Variants in CAPN5 observed in about 807,000 individuals in gnomAD.
The protein encoded by CAPN5 is calpain-5.
Under a neutral mutation model 73.0 loss-of-function variants are expected in CAPN5, and 54 were observed. The observed-to-expected ratio is 0.74, with a 90% CI of 0.59 to 0.93. CAPN5 has a LOEUF of 0.93. Among genes scored for constraint, CAPN5 ranks in the 40% least tolerant of loss-of-function variants. The probability of loss-of-function intolerance (pLI) is 0.00; values close to 1 mark genes in which losing one functional copy is unlikely to be tolerated. For missense variants in CAPN5, 785 were observed against 882.9 expected (o/e 0.89, Z 1.41); for synonymous variants, 335 against 356.9 (o/e 0.94, Z 0.69).
intron 8 of CAPN5, 143 bp downstream of exon 8, chr11:77,118,495 AG>A: frequency 1.5e-6 from 1 of 662,512 alleles, no homozygotes; most frequent in East Asian, 2.8e-5. Context: ...AGTGGGGGTT[AG>A]ATGGGCACAT....
At chr11:77,089,836 T>C (rs1430985593) in intron 2 of CAPN5, among the ~76,000 whole-genome samples, 4 of 152,054 alleles carry the variant, frequency 2.6e-5, no homozygotes, top group African/African-American at 9.7e-5. Context: ...ATCGCACCAT[T>C]GCATTCCAGC....
intron 2 of CAPN5, chr11:77,088,138 G>A: frequency 7.0e-7 from 1 of 1,433,138 alleles, no homozygotes; most frequent in Non-Finnish European, 9.2e-7. Flanking sequence ...CTGGGTATGA[G>A]CCTGGAGGTC....
chr11:77,094,412 G>A (rs868921903), intron 3 of CAPN5, among the ~76,000 whole-genome samples: 2 of 152,314 alleles, frequency 1.3e-5, no homozygotes, highest in Middle Eastern at 6.8e-3. Flanking sequence ...GGGCCAAAGG[G>A]TTTGGGTTGG....
At chr11:77,103,337 G>T in intron 3 of CAPN5, 1 of 1,601,536 alleles carries the variant, frequency 6.2e-7, no homozygotes. Context: ...TCTGACAGCA[G>T]CTGCCAGCTG....
At chr11:77,101,314 G>A (rs1555038799) in intron 3 of CAPN5, among the ~76,000 whole-genome samples, 1 of 152,190 alleles carries the variant, frequency 6.6e-6, no homozygotes, top group Non-Finnish European at 1.5e-5. Context: ...GCAGAATGTG[G>A]TGCTGGGAAG....
chr11:77,121,942 G>A lies in CAPN5; in HGVS notation c.1496G>A (p.Arg499His), dbSNP rs140490506. 45 of 1,544,970 alleles carry A rather than the reference G, an allele frequency of 2.9e-5. No homozygotes were observed. In the Middle Eastern group the frequency reaches 8.4e-4, roughly 29 times the overall value. ...TDVPSNCREL[R>H]LDEPPHTCWS... ...CTGCCGCCCCATATCAGGGAGCTGC[G>A]CCTGGATGAGCCCCCACACACCTGC... Residue 499 changes from arginine to histidine, a missense_variant, in exon 11 of 13, where the codon CGC becomes CAC. Arg to His is a conservative substitution (Grantham distance 29). Transcript: ENST00000648180.
intron 12 of CAPN5, among the ~76,000 whole-genome samples, chr11:77,123,311 C>T (rs1950542202): frequency 6.6e-6 from 1 of 152,214 alleles, no homozygotes; most frequent in African/African-American, 2.4e-5. Flanking sequence ...CTGAGTCCCA[C>T]TGGATCAAAT....
At chr11:77,103,234 T>C in intron 3 of CAPN5, 1 of 1,613,652 alleles carries the variant, frequency 6.2e-7, no homozygotes, top group Non-Finnish European at 8.5e-7. Flanking sequence ...CTGTCGGACC[T>C]GGCCAAGATC....
In CAPN5 at chr11:77,102,721, G is replaced by A. The variant is rs372724282; in HGVS notation, c.297+8908G>A. 4.1e-6 allele frequency: 5 copies of A among 1,211,966 alleles called. No individual in the cohort carries two copies. In the Admixed American group the frequency reaches 1.1e-4, roughly 28 times the overall value. 75.1% of individuals were successfully genotyped at this position (1,211,966 alleles called of 1,614,324 possible). On this transcript the variant is annotated intron_variant, in intron 3 of 12. Coordinates refer to ENST00000648180, the MANE Select transcript of CAPN5 (RefSeq NM_004055.5). Reference sequence around the variant, plus strand: ...GGCTGGGAAGAGCCAGTGGCAAAGGGAGGGGAAGAGGGAAGGGCAGAAAGT... The same window carrying A: ...GGCTGGGAAGAGCCAGTGGCAAAGGAAGGGGAAGAGGGAAGGGCAGAAAGT...
chr11:77,080,137 CTT>C (rs1950013937), intron 1 of CAPN5, among the ~76,000 whole-genome samples: 1 of 152,176 alleles, frequency 6.6e-6, no homozygotes, highest in South Asian at 2.1e-4. Flanking sequence ...TGTGGCATCT[CTT>C]TTGTCATATA....
intron 1 of CAPN5, among the ~76,000 whole-genome samples, chr11:77,067,361 C>G (rs1555032245): frequency 2.0e-5 from 3 of 151,898 alleles, no homozygotes; most frequent in African/African-American, 7.3e-5. Flanking sequence ...TGGGTGTCTC[C>G]GAGTCGTTTT....
chr11:77,067,845 A>G (rs929537211), intron 1 of CAPN5, among the ~76,000 whole-genome samples: 1 of 152,026 alleles, frequency 6.6e-6, no homozygotes, highest in Admixed American at 6.5e-5. Flanking sequence ...CAGTCATTTC[A>G]TGTGGTGGGA....
chr11:77,104,716 T>G (rs1214462881), intron 3 of CAPN5, among the ~76,000 whole-genome samples: 1 of 152,208 alleles, frequency 6.6e-6, no homozygotes, highest in Non-Finnish European at 1.5e-5. Flanking sequence ...GCCAGCCCTG[T>G]GTTTTGTCCT....
At chr11:77,100,924 G>T (rs1398215753) in intron 3 of CAPN5, among the ~76,000 whole-genome samples, 1 of 152,150 alleles carries the variant, frequency 6.6e-6, no homozygotes, top group African/African-American at 2.4e-5. Context: ...CACAGCCCGG[G>T]CCCGGAACTG....
At chr11:77,108,518 G>T (rs1022094181) in intron 3 of CAPN5, among the ~76,000 whole-genome samples, 5 of 152,150 alleles carry the variant, frequency 3.3e-5, no homozygotes, top group African/African-American at 1.2e-4. Flanking sequence ...GGACTGCCGG[G>T]CCAGGTGGCT....
At chr11:77,107,227 A>G (rs1348056497) in intron 3 of CAPN5, among the ~76,000 whole-genome samples, 3 of 152,104 alleles carry the variant, frequency 2.0e-5, no homozygotes, top group South Asian at 4.1e-4. Context: ...GAGCTGAGGA[A>G]TCTCAGATAC....
chr11:77,116,050 A>G (rs1555041693), intron 6 of CAPN5, among the ~76,000 whole-genome samples, 176 bp from the exon 7 acceptor site: 1 of 151,864 alleles, frequency 6.6e-6, no homozygotes, highest in Non-Finnish European at 1.5e-5. Context: ...GTGGGAGGAG[A>G]CAGGCAGGGC....
intron 1 of CAPN5, among the ~76,000 whole-genome samples, chr11:77,075,025 T>C (rs1294120382): frequency 6.6e-6 from 1 of 152,192 alleles, no homozygotes; most frequent in East Asian, 1.9e-4. Flanking sequence ...TTCTAGTCCG[T>C]TTCCCATGTG....
chr11:77,087,934 C>T lies in CAPN5; in HGVS notation c.165+2883C>T, dbSNP rs1950106399. 3 of 1,536,036 alleles carry T rather than the reference C, an allele frequency of 2.0e-6. No homozygotes were observed. The Admixed American group carries it at 5.9e-5, about 30-fold the overall frequency. ...CCCACAGGCTCGCTATGTTTTTGTT[C>T]TTTCCAGTACAGTGGCCATTCGCTG... is the stretch of plus-strand genomic sequence containing the variant. On this transcript the variant is annotated intron_variant, in intron 2 of 12. Transcript: ENST00000648180.
Sources: allele counts gnomAD v4.1 joint callset (sites outside exome capture counted in the v4.1 genomes callset), GRCh38; gene constraint gnomAD v4.1.1; transcripts MANE v1.5; gene names NCBI Gene and HGNC (gene_info 2026-07-23, HGNC 2026-07-21).